ZBTB10: variants seen among roughly 807,000 people sequenced by gnomAD.
ZBTB10 encodes zinc finger and BTB domain-containing protein 10.
ZBTB10 carries 32 observed loss-of-function variants against 76.4 expected under a neutral mutation model. That is an observed-to-expected ratio of 0.42 (90% CI 0.32 to 0.56). The LOEUF is 0.56. ZBTB10 is among the 20% of genes least tolerant of loss of function. ZBTB10 has a pLI of 0.14. For synonymous variants in ZBTB10, 523 were observed against 432.9 expected (o/e 1.21, Z -2.58); for missense variants, 1,057 against 1,098.5 (o/e 0.96, Z 0.53).
chr8:80,498,863 A>G (rs1244418660), intron 1 of ZBTB10, among the ~76,000 whole-genome samples: 1 of 152,236 alleles, frequency 6.6e-6, no homozygotes, highest in African/African-American at 2.4e-5. Context: ...AGTACTTATG[A>G]CCCTAAAGAG....
rs1420717683 is a variant in ZBTB10, at chr8:80,486,987, T to G, written c.177T>G (p.Asn59Lys). ...CGCCGCCCGCGCTTCAGCCGCCTAA[T>G]GGGCGGGGGGCCGACGAGGAAGTGG... is the stretch of plus-strand genomic sequence containing the variant. ...PPAPPALQPP[N>K]GRGADEEVEL... The change falls in exon 1 of 6, where the codon AAT (asparagine) becomes AAG (lysine). Residue 59 changes from asparagine (N) to lysine (K), a missense_variant. Transcript: ENST00000455036. The G allele has an allele frequency of 2.0e-6, 3 of 1,511,788 alleles. No homozygotes were observed. The highest frequency in any genetic ancestry group is 2.6e-6 in the Non-Finnish European group (3 of 1,135,316). The allele number at this position is 1,511,788 out of a possible 1,614,324, so 93.6% of individuals were successfully genotyped here. A position where few individuals can be genotyped will look rare whatever the true frequency, so the allele number is the denominator to read the frequency against.
Position 80,487,581 on chromosome 8 carries a change from C to T in ZBTB10, c.771C>T (p.Asp257=), listed in dbSNP as rs765210008. The change falls in exon 1 of 6, where the codon GAC becomes GAT. Residue 257 remains aspartate, a synonymous_variant. Transcript: ENST00000455036. ...QCSFQTSWLK[D]FPWLRYSKDT... ...CCTTCCAGACCTCCTGGCTCAAGGA[C>T]TTTCCCTGGCTGCGCTATTCCAAGG... 4 of 1,613,036 alleles carry T rather than the reference C, an allele frequency of 2.5e-6. No individual in the cohort carries two copies. The highest frequency in any genetic ancestry group is 3.4e-6 in the Non-Finnish European group (4 of 1,179,462).
At chr8:80,502,135 A>G (rs2131494049) in intron 2 of ZBTB10, among the ~76,000 whole-genome samples, 1 of 152,366 alleles carries the variant, frequency 6.6e-6, no homozygotes, top group South Asian at 2.1e-4. Context: ...AGATGACATT[A>G]CTAGCAATTT....
intron 1 of ZBTB10, among the ~76,000 whole-genome samples, 199 bp downstream of exon 1, chr8:80,487,981 T>G (rs2131467903): frequency 6.6e-6 from 1 of 152,158 alleles, no homozygotes; most frequent in East Asian, 1.9e-4. Flanking sequence ...AAGTTCTGTA[T>G]GTGTTGTGGG....
At position 80,525,394 on chromosome 8, in the gene ZBTB10, G is replaced by T. The variant is rs1816541867; in HGVS notation, c.*5866G>T. ...ACTGCCGCCTTACTGTCAGCCAGAT[G>T]ATTTTTTCCCACCACGGCCAGTCTT... On this transcript the variant is annotated 3_prime_UTR_variant, in exon 6 of 6. Transcript: ENST00000455036. The T allele has an allele frequency of 6.6e-6, 1 of 152,134 alleles. No homozygotes were observed. The allele number at this position is 152,134 out of a possible 1,614,324, so 9.4% of individuals were successfully genotyped here.
intron 3 of ZBTB10, among the ~76,000 whole-genome samples, chr8:80,515,930 T>TA (rs1199410256): frequency 1.3e-5 from 2 of 152,254 alleles, no homozygotes; most frequent in Non-Finnish European, 2.9e-5. Context: ...TTCCTACAAG[T>TA]ATTCTCTGTT....
At chr8:80,505,394 T>C (rs1037175274) in intron 2 of ZBTB10, among the ~76,000 whole-genome samples, 2 of 152,228 alleles carry the variant, frequency 1.3e-5, no homozygotes, top group African/African-American at 4.8e-5. Flanking sequence ...GATTATTATA[T>C]TTTTAATCTT....
intron 2 of ZBTB10, among the ~76,000 whole-genome samples, chr8:80,512,817 T>G (rs1816229004): frequency 6.6e-6 from 1 of 152,196 alleles, no homozygotes; most frequent in Non-Finnish European, 1.5e-5. Context: ...ATTGTCAGTA[T>G]TTTTTCTTAA....
chr8:80,509,189 T>C (rs1816130842), intron 2 of ZBTB10, among the ~76,000 whole-genome samples: 1 of 152,118 alleles, frequency 6.6e-6, no homozygotes. Context: ...AGAGAAAAAA[T>C]CTATACCTGT....
chr8:80,501,145 C>T (rs1373524257), intron 2 of ZBTB10, among the ~76,000 whole-genome samples: 2 of 152,172 alleles, frequency 1.3e-5, no homozygotes, highest in Non-Finnish European at 2.9e-5. Context: ...GGATTACAGA[C>T]ATGAGCCACC....
chr8:80,500,345 T>A lies in ZBTB10; in HGVS notation c.1824T>A (p.Tyr608Ter). 6.3e-7 allele frequency: 1 copy of A among 1,583,532 alleles called. No individual in the cohort carries two copies. The highest frequency in any genetic ancestry group is 8.6e-7 in the Non-Finnish European group (1 of 1,164,922). The change falls in exon 2 of 6, where the codon TAT becomes TAA. Residue 608 changes from tyrosine to a stop codon, truncating the protein, a stop_gained. Transcript: ENST00000455036. LOFTEE classifies it high-confidence loss of function. ...DCSVMQPPVA[Y>*]PEENTLLIKE... ...CAGTAATGCAGCCACCTGTTGCCTA[T>A]CCAGAAGAAAATACACTACTCATCA...
In ZBTB10 at chr8:80,487,013, A is replaced by T; in HGVS notation, c.203A>T (p.Glu68Val). The T allele has an allele frequency of 6.6e-7, 1 of 1,514,746 alleles. No homozygotes were observed. The highest frequency in any genetic ancestry group is 8.8e-7 in the Non-Finnish European group (1 of 1,137,336). 93.8% of individuals were successfully genotyped at this position (1,514,746 alleles called of 1,614,324 possible). A position where few individuals can be genotyped will look rare whatever the true frequency, so the allele number is the denominator to read the frequency against. The change falls in exon 1 of 6, where the codon GAA becomes GTA. Residue 68 changes from glutamate to valine, a missense_variant. Glu to Val is a moderately radical substitution (Grantham distance 121, BLOSUM62 -2). Around this residue, in one of 5 missense-constraint regions of ZBTB10, gnomAD observed 556 missense variants for 451.7 expected, o/e 1.23. Transcript: ENST00000455036. ...GGGCGGGGGGCCGACGAGGAAGTGG[A>T]ATTGGAGGGCCTGGAGCCCCAAGAC... is the stretch of plus-strand genomic sequence containing the variant. ...PNGRGADEEV[E>V]LEGLEPQDLE...
At chr8:80,491,080 G>C (rs1298425236) in intron 1 of ZBTB10, among the ~76,000 whole-genome samples, 4 of 152,112 alleles carry the variant, frequency 2.6e-5, no homozygotes, top group Non-Finnish European at 5.9e-5. Flanking sequence ...AAAATCTACA[G>C]CAGTGTATGG....
At chr8:80,515,865 T>A (rs955672302) in intron 3 of ZBTB10, among the ~76,000 whole-genome samples, 1 of 152,200 alleles carries the variant, frequency 6.6e-6, no homozygotes, top group African/African-American at 2.4e-5. Context: ...ACCTTAATGA[T>A]CCTTAAGTGT....
chr8:80,498,234 C>G (rs1285282284), intron 1 of ZBTB10, among the ~76,000 whole-genome samples: 2 of 152,198 alleles, frequency 1.3e-5, no homozygotes, highest in South Asian at 2.1e-4. Context: ...ACCACTAACT[C>G]TCTTCTAAGC....
At chr8:80,498,168 A>G (rs187322342) in intron 1 of ZBTB10, among the ~76,000 whole-genome samples, 209 of 152,252 alleles carry the variant, frequency 1.4e-3, no homozygotes, top group Middle Eastern at 0.01. Flanking sequence ...TTGTTTAGGG[A>G]TCCACCATTT....
chr8:80,514,030 C>G, intron 3 of ZBTB10, 22 bp downstream of exon 3: 1 of 1,596,956 alleles, frequency 6.3e-7, no homozygotes, highest in East Asian at 2.2e-5. Context: ...AAGATTTTAG[C>G]AACAGTACAT....
intron 2 of ZBTB10, among the ~76,000 whole-genome samples, chr8:80,510,498 T>C (rs949549558): frequency 3.3e-5 from 5 of 152,244 alleles, no homozygotes; most frequent in Non-Finnish European, 7.3e-5. Context: ...GGGTTGCTAC[T>C]ATCTGTTCAC....
intron 1 of ZBTB10, among the ~76,000 whole-genome samples, chr8:80,498,333 T>C (rs868189067): frequency 6.6e-6 from 1 of 152,242 alleles, no homozygotes; most frequent in African/African-American, 2.4e-5. Flanking sequence ...CATACATATG[T>C]GTATATATTT....
Sources: gnomAD v4.1 joint callset for allele counts (sites outside exome capture counted in the v4.1 genomes callset) on GRCh38, gnomAD v4.1.1 for gene constraint, gnomAD v4.1.1 regional missense constraint, MANE v1.5 for transcripts, NCBI Gene and HGNC (gene_info 2026-07-23, HGNC 2026-07-21) for gene names.